CAPN14: variants seen among roughly 807,000 people sequenced by gnomAD.
CAPN14 encodes calpain 14, also known as calpain-14.
Under a neutral mutation model 101.3 loss-of-function variants are expected in CAPN14, and 94 were observed. That is an observed-to-expected ratio of 0.93 (90% confidence interval 0.79 to 1.10). The LOEUF (loss-of-function observed/expected upper bound fraction) is 1.10. Among genes scored for constraint, CAPN14 ranks in the 50% least tolerant of loss-of-function variants. The pLI, the probability that CAPN14 is intolerant of heterozygous loss-of-function variation, is 0.00. For synonymous variants in CAPN14, 338 were observed against 317.9 expected, an observed-to-expected ratio of 1.06 and a Z score of -0.67; for missense variants, 837 against 828.4, an observed-to-expected ratio of 1.01 and a Z score of -0.13.
rs1318851656 is a variant in CAPN14, at chr2:31,181,410, CT to C, written c.1646-411del. ...TTTTTCTTTCTTTTTTTCTTTCTTT[CT>C]TTCTTTCTTTCTTTCTTTCTTTCTT... is the stretch of plus-strand genomic sequence containing the variant. On this transcript the variant is annotated intron_variant, in intron 16 of 21. Coordinates refer to ENST00000403897, the MANE Select transcript of CAPN14 (RefSeq NM_001145122.2). Among the ~76,000 whole-genome samples the C allele has an allele frequency of 2.9e-5, 4 of 140,014 alleles. No individual in the cohort carries two copies. In the East Asian group the frequency reaches 6.2e-4, roughly 22 times the overall value. 91.9% of individuals were successfully genotyped at this position (140,014 alleles called of 152,430 possible). A position where few individuals can be genotyped will look rare whatever the true frequency, so the allele number is the denominator to read the frequency against.
Position 31,194,472 on chromosome 2 carries a change from C to T in CAPN14, c.887G>A (p.Trp296Ter). ...KGDWSDSSSK[W>*]ELLSPKEKIL... ...CTTCTCCTTGGGGCTCAGCAGCTCC[C>T]ATTTACTTGAACTGAAAATAGAAAA... Residue 296 changes from tryptophan to a stop codon, truncating the protein, a stop_gained, in exon 9 of 22, where the codon TGG (tryptophan) becomes TAG (stop). Coordinates refer to ENST00000403897, the MANE Select transcript of CAPN14 (RefSeq NM_001145122.2). LOFTEE classifies it high-confidence loss of function. 7 of 1,551,062 alleles carry T rather than the reference C, an allele frequency of 4.5e-6. No homozygotes were observed. Among genetic ancestry groups the T allele is most frequent in the Non-Finnish European group, 6.1e-6 (7 of 1,146,512 alleles).
chr2:31,178,569 G>C lies in CAPN14; in HGVS notation c.1721C>G (p.Ser574Ter), dbSNP rs780949333. The stretch of plus-strand genomic sequence containing the variant: ...GAATTCCTGGATGCTCATAGTACCT[G>C]ATGCATTAAGCTGATTAATAGGTTA... ...GILALLDLNA[S>*]GTMSIQEFRD... Residue 574 changes from serine to a stop codon, truncating the protein, a stop_gained, in exon 18 of 22, where the codon TCA becomes TGA. Coordinates refer to ENST00000403897, the MANE Select transcript of CAPN14 (RefSeq NM_001145122.2). LOFTEE classifies it high-confidence loss of function. The C allele has an allele frequency of 3.2e-6, 5 of 1,542,584 alleles. No individual in the cohort carries two copies. The highest frequency in any genetic ancestry group is 4.1e-5 in the Admixed American group (2 of 49,334).
chr2:31,204,908 G>A (rs565448038), intron 2 of CAPN14, among the ~76,000 whole-genome samples: 4 of 152,266 alleles, frequency 2.6e-5, no homozygotes, highest in African/African-American at 7.2e-5. Flanking sequence ...TCACAACCTG[G>A]GACTTGTGAT....
chr2:31,186,620 C>A, intron 15 of CAPN14, 135 bp from the exon 16 acceptor site: 1 of 598,128 alleles, frequency 1.7e-6, no homozygotes, highest in Non-Finnish European at 2.8e-6. Context: ...AACTGGGTGC[C>A]AACCCCAGAG....
intron 11 of CAPN14, among the ~76,000 whole-genome samples, chr2:31,191,668 C>G (rs955026932): frequency 1.3e-5 from 2 of 152,224 alleles, no homozygotes; most frequent in African/African-American, 4.8e-5. Context: ...ATTGATCATA[C>G]TATGTGCCAG....
rs1405755723 is a variant in CAPN14 at position 31,173,611 on chromosome 2, C to T, written c.*1070G>A. On this transcript the variant is annotated 3_prime_UTR_variant, in exon 22 of 22. Coordinates refer to ENST00000403897, the MANE Select transcript of CAPN14 (RefSeq NM_001145122.2). Reference sequence around the variant, plus strand: ...CCCAAAAATTCAAAATCCAAAATGCCCCTATTTCCTTTGAGTTTCATGTCT... The same window carrying T: ...CCCAAAAATTCAAAATCCAAAATGCTCCTATTTCCTTTGAGTTTCATGTCT... 3 of 152,112 alleles carry T rather than the reference C, an allele frequency of 2.0e-5. No homozygotes were observed. Among genetic ancestry groups the T allele is most frequent in the African/African-American group, 4.8e-5 (2 of 41,404 alleles). 9.4% of individuals were successfully genotyped at this position (152,112 alleles called of 1,614,324 possible).
At chr2:31,232,147 G>A (rs774453839) in intron 1 of CAPN14, among the ~76,000 whole-genome samples, 40 of 152,130 alleles carry the variant, frequency 2.6e-4, no homozygotes, top group African/African-American at 6.0e-4. Context: ...CACTTCAAAC[G>A]CAACACGTTT....
chr2:31,231,520 A>G (rs1448339525), intron 1 of CAPN14, among the ~76,000 whole-genome samples: 2 of 152,100 alleles, frequency 1.3e-5, no homozygotes, highest in Non-Finnish European at 2.9e-5. Flanking sequence ...ATTATCTTTC[A>G]TGACCTTTTA....
chr2:31,213,533 C>G (rs894193003), intron 1 of CAPN14, among the ~76,000 whole-genome samples: 2 of 152,202 alleles, frequency 1.3e-5, no homozygotes, highest in Admixed American at 6.5e-5. Flanking sequence ...CACTGTTTAA[C>G]CAGGTAGATT....
At chr2:31,205,094 T>A (rs763335948) in intron 2 of CAPN14, 129 bp downstream of exon 2, 44 of 729,318 alleles carry the variant, frequency 6.0e-5, no homozygotes, top group Non-Finnish European at 8.8e-5. Context: ...GTTAGAAGAG[T>A]GTGTTGTGTT....
intron 16 of CAPN14, among the ~76,000 whole-genome samples, chr2:31,184,982 A>G (rs542473668): frequency 9.0e-4 from 137 of 152,370 alleles, no homozygotes; most frequent in African/African-American, 3.2e-3. Context: ...CCATCTTAAA[A>G]TGGTCTATAT....
At chr2:31,226,452 TAA>T (rs1375741471) in intron 2 of CAPN14, 3 of 152,226 alleles carry the variant, frequency 2.0e-5, no homozygotes, top group Non-Finnish European at 2.9e-5. Flanking sequence ...TGTGCAGGGT[TAA>T]AAGAGAGCTT....
chr2:31,177,050 T>C lies in CAPN14; in HGVS notation c.1948A>G (p.Met650Val), dbSNP rs938587115. Residue 650 changes from methionine to valine, a missense_variant, in exon 20 of 22, where the codon ATG becomes GTG. Transcript: ENST00000403897. ...QMDFVSFIHLMLRVENMEDVF... is the reference protein window; with the variant it reads ...QMDFVSFIHLVLRVENMEDVF... ...CCCTCCATGTTCTCTACACGCAGCA[T>C]CAAGTGGATGAAACTGACAAAGTCC... 6.4e-6 allele frequency: 10 copies of C among 1,551,312 alleles called. No homozygotes were observed. In the African/African-American group the frequency reaches 8.2e-5, roughly 13 times the overall value.
At chr2:31,195,373 GC>G (rs1681414040) in intron 8 of CAPN14, among the ~76,000 whole-genome samples, 1 of 152,166 alleles carries the variant, frequency 6.6e-6, no homozygotes, top group Non-Finnish European at 1.5e-5. Context: ...CTCTCACTCT[GC>G]CACGTACGCT....
At chr2:31,233,526 A>C (rs1479371053) in intron 1 of CAPN14, among the ~76,000 whole-genome samples, 1 of 152,158 alleles carries the variant, frequency 6.6e-6, no homozygotes, top group Non-Finnish European at 1.5e-5. Flanking sequence ...CCTGGAAGGG[A>C]GAGTCTGTTC....
Position 31,181,130 on chromosome 2 carries a change from G to C in CAPN14, c.1646-130C>G, listed in dbSNP as rs1420294888. 4.3e-6 allele frequency: 3 copies of C among 691,392 alleles called. No homozygotes were observed. The Admixed American group carries it at 7.5e-5, about 17-fold the overall frequency. The allele number at this position is 691,392 out of a possible 1,614,324, so 42.8% of individuals were successfully genotyped here. On this transcript the variant is annotated intron_variant, in intron 16 of 21. Transcript: ENST00000403897. ...TGTATGTACGTGGGCTGGGAAGAGTGAGAATGGAAGACAGTAGAGAGACGG... is the reference window on the plus strand; with the variant it reads ...TGTATGTACGTGGGCTGGGAAGAGTCAGAATGGAAGACAGTAGAGAGACGG...
At chr2:31,212,320 A>C (rs944164398) in intron 1 of CAPN14, among the ~76,000 whole-genome samples, 5 of 150,838 alleles carry the variant, frequency 3.3e-5, no homozygotes, top group South Asian at 4.2e-4. Context: ...AACAAAAAAA[A>C]AAAAAAACAA....
chr2:31,208,071 T>C (rs1682196975), intron 1 of CAPN14, among the ~76,000 whole-genome samples: 1 of 152,122 alleles, frequency 6.6e-6, no homozygotes, highest in Non-Finnish European at 1.5e-5. Context: ...CACGGGTGCC[T>C]GTGTACTTCC....
At chr2:31,206,528 T>C (rs1340006542) in intron 1 of CAPN14, among the ~76,000 whole-genome samples, 3 of 152,214 alleles carry the variant, frequency 2.0e-5, no homozygotes, top group Non-Finnish European at 2.9e-5. Flanking sequence ...GTTGAGAGAT[T>C]ACAGGCGTGA....
Sources: gnomAD v4.1 joint callset for allele counts (sites outside exome capture counted in the v4.1 genomes callset) on GRCh38, gnomAD v4.1.1 for gene constraint, MANE v1.5 for transcripts, NCBI Gene and HGNC (gene_info 2026-07-23, HGNC 2026-07-21) for gene names.